SLC25A12: variants seen among roughly 807,000 people sequenced by gnomAD.
SLC25A12 encodes solute carrier family 25 member 12, also known as electrogenic aspartate/glutamate antiporter SLC25A12, mitochondrial.
A neutral mutation model predicts 83.3 loss-of-function variants in SLC25A12; 32 were observed. That is an observed-to-expected ratio of 0.38 (90% CI 0.29 to 0.52). SLC25A12 has a LOEUF of 0.52. SLC25A12 is among the 20% of genes least tolerant of loss of function. The pLI is 0.84. For missense variants in SLC25A12, 611 were observed against 835.6 expected, an observed-to-expected ratio of 0.73 and a Z score of 3.31; for synonymous variants, 267 against 291.1, an observed-to-expected ratio of 0.92 and a Z score of 0.84.
In SLC25A12 at chr2:171,785,491, A is replaced by G; in HGVS notation, c.1836-16T>C. On this transcript the variant is annotated splice_polypyrimidine_tract_variant and intron_variant, in intron 17 of 17. Coordinates refer to ENST00000422440, the MANE Select transcript of SLC25A12 (RefSeq NM_003705.5). Reference sequence around the variant, plus strand: ...AGCGGGTTTGCTGTTGACAGAAAAAAAGCCAATGGTTAGCATGCTCAAGGT... The same window carrying G: ...AGCGGGTTTGCTGTTGACAGAAAAAGAGCCAATGGTTAGCATGCTCAAGGT... The G allele has an allele frequency of 6.2e-7, 1 of 1,613,182 alleles. No homozygotes were observed. Among genetic ancestry groups the G allele is most frequent in the Middle Eastern group, 1.8e-4 (1 of 5,586 alleles).
intron 9 of SLC25A12, among the ~76,000 whole-genome samples, chr2:171,822,524 C>G (rs1684214746): frequency 6.6e-6 from 1 of 152,126 alleles, no homozygotes; most frequent in Non-Finnish European, 1.5e-5. Flanking sequence ...GCTGAGACTA[C>G]AGGTGCATAC....
chr2:171,890,081 G>A (rs1685899705), intron 2 of SLC25A12, among the ~76,000 whole-genome samples: 2 of 152,208 alleles, frequency 1.3e-5, no homozygotes, highest in South Asian at 4.1e-4. Flanking sequence ...GAGATGGCAT[G>A]GGCCTGAGAG....
intron 13 of SLC25A12, among the ~76,000 whole-genome samples, chr2:171,799,777 A>G (rs1052968079): frequency 6.6e-6 from 1 of 152,210 alleles, no homozygotes; most frequent in Non-Finnish European, 1.5e-5. Flanking sequence ...TGCAGACTGA[A>G]AGCAAGACAC....
In SLC25A12 at chr2:171,803,122, C is replaced by CA. The variant is rs926539772; in HGVS notation, c.1305+6483dup. ...TAGTAATATCTCTCTCTGTTCAAGG[C>CA]AAAAAAAAAAAACCTAAAAAACTTA... is the stretch of plus-strand genomic sequence containing the variant. On this transcript the variant is annotated intron_variant, in intron 13 of 17. Coordinates refer to ENST00000422440, the MANE Select transcript of SLC25A12 (RefSeq NM_003705.5). Among the ~76,000 whole-genome samples, 885 of 119,740 alleles carry CA rather than the reference C, an allele frequency of 7.4e-3. 8 individuals are homozygous for CA. The highest frequency in any genetic ancestry group is 0.04 in the East Asian group (175 of 4,356). 78.6% of individuals were successfully genotyped at this position (119,740 alleles called of 152,430 possible). A position where few individuals can be genotyped will look rare whatever the true frequency, so the allele number is the denominator to read the frequency against.
chr2:171,849,845 C>T (rs1011968908), intron 4 of SLC25A12, among the ~76,000 whole-genome samples: 4 of 152,096 alleles, frequency 2.6e-5, no homozygotes, highest in African/African-American at 7.2e-5. Context: ...CGTGAGCCAC[C>T]GTGCCCGGCC....
intron 9 of SLC25A12, among the ~76,000 whole-genome samples, chr2:171,816,520 A>C (rs1684053160): frequency 6.6e-6 from 1 of 152,178 alleles, no homozygotes; most frequent in Non-Finnish European, 1.5e-5. Flanking sequence ...TATAAGGTAA[A>C]TAAGATGTAA....
chr2:171,855,924 C>T lies in SLC25A12; in HGVS notation c.235G>A (p.Ala79Thr). 6.2e-7 allele frequency: 1 copy of T among 1,610,844 alleles called. No individual in the cohort carries two copies. The highest frequency in any genetic ancestry group is 8.5e-7 in the Non-Finnish European group (1 of 1,177,102). The change falls in exon 4 of 18, where the codon GCA (alanine) becomes ACA (threonine). Residue 79 changes from alanine to threonine, a missense_variant. Transcript: ENST00000422440. Reference protein sequence around the residue: ...DGLISYQEFLAFESVLCAPDS... With the variant: ...DGLISYQEFLTFESVLCAPDS... ...GGAGCACATAAAACAGATTCAAATG[C>T]CAAAAACTCTTGATAGGAGATCAAC...
intron 8 of SLC25A12, among the ~76,000 whole-genome samples, chr2:171,828,083 C>T: frequency 6.6e-6 from 1 of 152,176 alleles, no homozygotes; most frequent in East Asian, 1.9e-4. Flanking sequence ...AGCACCTGAC[C>T]ACCATTGCCT....
At chr2:171,836,884 G>T (rs193298871) in intron 6 of SLC25A12, among the ~76,000 whole-genome samples, 1 of 142,158 alleles carries the variant, frequency 7.0e-6, no homozygotes, top group East Asian at 3.0e-4. Context: ...ACTATGATCC[G>T]GGAAAAGATA....
At chr2:171,802,640 G>T (rs1402148423) in intron 13 of SLC25A12, among the ~76,000 whole-genome samples, 1 of 152,124 alleles carries the variant, frequency 6.6e-6, no homozygotes, top group African/African-American at 2.4e-5. Flanking sequence ...GCCAGGCCTG[G>T]TGGCGGGTGC....
rs191023422 is a variant in SLC25A12, at chr2:171,805,496, T to C, written c.1305+4110A>G. The stretch of plus-strand genomic sequence containing the variant: ...ATATGAAAGAACAAATGAAAACCTA[T>C]ATCAAGTGTGAAAGAATATGGATTT... On this transcript the variant is annotated intron_variant, in intron 13 of 17. Coordinates refer to ENST00000422440, the MANE Select transcript of SLC25A12 (RefSeq NM_003705.5). 7.9e-5 allele frequency among the ~76,000 whole-genome samples: 12 copies of C among 152,348 alleles called. No homozygotes were observed. The East Asian group carries it at 1.2e-3, about 15-fold the overall frequency.
At position 171,886,579 on chromosome 2, in the gene SLC25A12, G is replaced by T. The variant is rs183886369; in HGVS notation, c.66+6626C>A. Among the ~76,000 whole-genome samples, 278 of 151,378 alleles carry T rather than the reference G, an allele frequency of 1.8e-3. 1 individual carries two copies. Among genetic ancestry groups the T allele is most frequent in the Admixed American group, 4.8e-3 (73 of 15,170 alleles). On this transcript the variant is annotated intron_variant, in intron 2 of 17. Transcript: ENST00000422440. ...GGCTGGAGTGCAGTGGCGCGATCTC[G>T]GCTCACTGCAACCTCAGCCTCCCAG...
intron 13 of SLC25A12, among the ~76,000 whole-genome samples, chr2:171,799,438 T>C (rs889165606): frequency 1.3e-5 from 2 of 152,212 alleles, no homozygotes; most frequent in Non-Finnish European, 2.9e-5. Context: ...TTTAGAGATA[T>C]ACAAGCTTGG....
At chr2:171,851,544 T>C (rs1186220959) in intron 4 of SLC25A12, among the ~76,000 whole-genome samples, 1 of 152,036 alleles carries the variant, frequency 6.6e-6, no homozygotes, top group African/African-American at 2.4e-5. Context: ...TAGGCCTTTT[T>C]TTCATTTGAG....
chr2:171,807,378 C>G (rs1683855755), intron 13 of SLC25A12, among the ~76,000 whole-genome samples: 1 of 152,174 alleles, frequency 6.6e-6, no homozygotes, highest in Admixed American at 6.5e-5. Flanking sequence ...TCCTAAAGTT[C>G]AAACCTATAA....
intron 3 of SLC25A12, among the ~76,000 whole-genome samples, chr2:171,862,403 C>T (rs999888871): frequency 2.0e-5 from 3 of 152,148 alleles, no homozygotes; most frequent in Non-Finnish European, 4.4e-5. Flanking sequence ...TAATACTTGG[C>T]TAATGGCTTT....
At chr2:171,840,711 G>C (rs1047758254) in intron 5 of SLC25A12, among the ~76,000 whole-genome samples, 1 of 151,992 alleles carries the variant, frequency 6.6e-6, no homozygotes, top group African/African-American at 2.4e-5. Flanking sequence ...AATAGTCCTA[G>C]AAACTAAGAA....
At chr2:171,855,989 G>A (rs1276594720) in intron 3 of SLC25A12, 40 bp from the exon 4 acceptor site, 2 of 1,119,398 alleles carry the variant, frequency 1.8e-6, no homozygotes, top group South Asian at 1.2e-5. Flanking sequence ...GGTGAAGAAA[G>A]GGAAAGCATC....
chr2:171,864,637 C>T (rs886587626), intron 3 of SLC25A12, among the ~76,000 whole-genome samples: 5 of 152,288 alleles, frequency 3.3e-5, no homozygotes, highest in African/African-American at 1.2e-4. Flanking sequence ...ATGTTTCATG[C>T]CGTTCCTGTT....
Sources: allele counts gnomAD v4.1 joint callset (sites outside exome capture counted in the v4.1 genomes callset), GRCh38; gene constraint gnomAD v4.1.1; transcripts MANE v1.5; gene names NCBI Gene and HGNC (gene_info 2026-07-23, HGNC 2026-07-21).